KCMF1: variants seen among roughly 807,000 people sequenced by gnomAD.
KCMF1 encodes the protein E3 ubiquitin-protein ligase KCMF1.
KCMF1 carries 3 observed loss-of-function variants against 41.1 expected under a neutral mutation model. The observed-to-expected ratio is 0.07, with a 90% CI of 0.03 to 0.19. KCMF1 has a LOEUF of 0.19. Among genes scored for constraint, KCMF1 ranks in the 10% least tolerant of loss-of-function variants. The pLI is 1.00. For missense variants in KCMF1, 286 were observed against 488.9 expected (o/e 0.58, Z 3.91); for synonymous variants, 142 against 164.5 (o/e 0.86, Z 1.04).
chr2:84,981,318 T>A (rs964009900), intron 1 of KCMF1, among the ~76,000 whole-genome samples: 17 of 151,836 alleles, frequency 1.1e-4, no homozygotes, highest in African/African-American at 4.1e-4. Context: ...GCCTCCCAAG[T>A]AGCTGGGACT....
intron 2 of KCMF1, 90 bp from the exon 3 acceptor site, chr2:85,034,926 C>CT: frequency 8.6e-7 from 1 of 1,163,002 alleles, no homozygotes; most frequent in Non-Finnish European, 1.2e-6. Flanking sequence ...CTGGCCCACA[C>CT]TTTCTTTTTT....
intron 2 of KCMF1, among the ~76,000 whole-genome samples, chr2:85,033,720 CA>C (rs1376599589): frequency 6.6e-6 from 1 of 152,226 alleles, no homozygotes; most frequent in African/African-American, 2.4e-5. Context: ...AACACCACCA[CA>C]TTGGAGATGA....
intron 1 of KCMF1, among the ~76,000 whole-genome samples, chr2:84,981,833 C>G (rs900014571): frequency 6.6e-6 from 1 of 152,064 alleles, no homozygotes; most frequent in African/African-American, 2.4e-5. Context: ...GGCTGGAGTT[C>G]AGTACCGCAG....
intron 6 of KCMF1, 101 bp downstream of exon 6, chr2:85,049,749 A>T: frequency 9.8e-7 from 1 of 1,017,748 alleles, no homozygotes; most frequent in Non-Finnish European, 1.4e-6. Context: ...TTTCTTTAAA[A>T]TTTTGTGTTT....
At chr2:85,050,881 G>A (rs1365991939) in intron 6 of KCMF1, among the ~76,000 whole-genome samples, 2 of 152,200 alleles carry the variant, frequency 1.3e-5, no homozygotes, top group Non-Finnish European at 2.9e-5. Context: ...AAAAATGCTT[G>A]AAAATCCCTG....
chr2:85,032,544 T>G (rs1675302094), intron 2 of KCMF1, among the ~76,000 whole-genome samples: 2 of 151,922 alleles, frequency 1.3e-5, no homozygotes, highest in Admixed American at 1.3e-4. Context: ...GCCCAGCTAA[T>G]TTTTGTATTT....
At chr2:85,027,099 G>C (rs1208637926) in intron 1 of KCMF1, among the ~76,000 whole-genome samples, 2 of 152,138 alleles carry the variant, frequency 1.3e-5, no homozygotes, top group Non-Finnish European at 2.9e-5. Context: ...AGGGCAGGGG[G>C]CTTTCACTGG....
intron 5 of KCMF1, among the ~76,000 whole-genome samples, chr2:85,047,095 T>C (rs1259541209): frequency 6.6e-6 from 1 of 152,148 alleles, no homozygotes; most frequent in East Asian, 1.9e-4. Flanking sequence ...AGCCATTCAC[T>C]GGGGGTTTTG....
At chr2:84,997,093 A>G (rs143099960) in intron 1 of KCMF1, among the ~76,000 whole-genome samples, 1 of 152,338 alleles carries the variant, frequency 6.6e-6, no homozygotes, top group Non-Finnish European at 1.5e-5. Flanking sequence ...TGCCGTGGCT[A>G]TGCAGTCTAT....
chr2:85,033,224 C>T (rs1179797221), intron 2 of KCMF1, among the ~76,000 whole-genome samples: 2 of 152,188 alleles, frequency 1.3e-5, no homozygotes, highest in Non-Finnish European at 2.9e-5. Context: ...AAATCTATCA[C>T]GTAATGAACA....
At chr2:85,019,238 A>G (rs1305575495) in intron 1 of KCMF1, among the ~76,000 whole-genome samples, 1 of 152,168 alleles carries the variant, frequency 6.6e-6, no homozygotes, top group Non-Finnish European at 1.5e-5. Flanking sequence ...ATTTCCTCCC[A>G]TAGGAACTTT....
intron 1 of KCMF1, among the ~76,000 whole-genome samples, chr2:85,016,695 C>G (rs995711960): frequency 4.9e-5 from 7 of 142,974 alleles, no homozygotes; most frequent in Admixed American, 2.1e-4. Context: ...TATAGTTTAT[C>G]TTTTTTTTTT....
intron 6 of KCMF1, 69 bp downstream of exon 6, chr2:85,049,717 C>A: frequency 7.9e-7 from 1 of 1,268,330 alleles, no homozygotes; most frequent in Non-Finnish European, 1.1e-6. Flanking sequence ...CTGGAATTAT[C>A]TTTTCTCTTT....
intron 3 of KCMF1, among the ~76,000 whole-genome samples, chr2:85,039,506 C>T (rs114976797): frequency 2.6e-5 from 4 of 152,130 alleles, no homozygotes; most frequent in Admixed American, 6.5e-5. Context: ...AGCAGTGATT[C>T]GGTGTTTATA....
chr2:84,983,635 A>G (rs1673822519), intron 1 of KCMF1, among the ~76,000 whole-genome samples: 1 of 152,176 alleles, frequency 6.6e-6, no homozygotes, highest in African/African-American at 2.4e-5. Context: ...AGCCTCCCAA[A>G]GTAGCTGGGA....
At chr2:84,990,668 G>A (rs1160568480) in intron 1 of KCMF1, among the ~76,000 whole-genome samples, 1 of 151,576 alleles carries the variant, frequency 6.6e-6, no homozygotes, top group East Asian at 1.9e-4. Context: ...AAAAAAAATT[G>A]CATAACCTTG....
At chr2:84,987,838 C>T (rs563565700) in intron 1 of KCMF1, among the ~76,000 whole-genome samples, 64 of 152,184 alleles carry the variant, frequency 4.2e-4, no homozygotes, top group African/African-American at 1.4e-3. Flanking sequence ...AGAGGAGGAC[C>T]CTGCTTGTGT....
intron 4 of KCMF1, 93 bp downstream of exon 4, chr2:85,043,758 C>T: frequency 5.8e-6 from 5 of 860,794 alleles, no homozygotes; most frequent in Non-Finnish European, 7.6e-6. Context: ...CTGTGTCGAC[C>T]TGGCTGGTCT....
At chr2:85,010,799 T>A (rs948027066) in intron 1 of KCMF1, among the ~76,000 whole-genome samples, 5 of 152,100 alleles carry the variant, frequency 3.3e-5, no homozygotes, top group African/African-American at 1.2e-4. Context: ...TTTATATCAG[T>A]ATGGAGTCGT....
Sources: allele counts gnomAD v4.1 joint callset (sites outside exome capture counted in the v4.1 genomes callset), GRCh38; gene constraint gnomAD v4.1.1; transcripts MANE v1.5; gene names NCBI Gene and HGNC (gene_info 2026-07-23, HGNC 2026-07-21).